The following PRIM2 variants were observed in gnomAD, a reference collection of about 807,000 sequenced individuals.
The protein encoded by PRIM2 is DNA primase large subunit.
Under a neutral mutation model 67.3 loss-of-function variants are expected in PRIM2, and 39 were observed. That is an observed-to-expected ratio of 0.58 (90% CI 0.45 to 0.76). The LOEUF (loss-of-function observed/expected upper bound fraction) is 0.76. Ranked by LOEUF, PRIM2 falls within the 30% of genes least tolerant of loss-of-function variation. The pLI is 0.00. For synonymous variants in PRIM2, 143 were observed against 198.7 expected, an observed-to-expected ratio of 0.72 and a Z score of 2.36; for missense variants, 398 against 598.7, an observed-to-expected ratio of 0.66 and a Z score of 3.50.
chr6:57,620,673 A>G (rs1272687857), intron 12 of PRIM2, among the ~76,000 whole-genome samples: 2 of 152,216 alleles, frequency 1.3e-5, no homozygotes, highest in Admixed American at 6.5e-5. Context: ...ACAAAAACAA[A>G]AAACCAAAGT....
intron 8 of PRIM2, among the ~76,000 whole-genome samples, chr6:57,508,315 C>G (rs1774291843): frequency 6.6e-6 from 1 of 151,862 alleles, no homozygotes; most frequent in Admixed American, 6.6e-5. Flanking sequence ...CTATTTTTTC[C>G]ATTTTTATAA....
At chr6:57,521,376 T>G (rs1461467611) in intron 8 of PRIM2, among the ~76,000 whole-genome samples, 2 of 146,642 alleles carry the variant, frequency 1.4e-5, no homozygotes, top group African/African-American at 5.1e-5. Context: ...GGTTTTTTTT[T>G]TTTTTTTTTT....
chr6:57,431,959 C>T (rs1771845073), intron 7 of PRIM2, among the ~76,000 whole-genome samples: 1 of 152,108 alleles, frequency 6.6e-6, no homozygotes, highest in Admixed American at 6.5e-5. Flanking sequence ...GAAACTGAAG[C>T]AGTCTTCTTA....
At chr6:57,256,576 C>T in the PRIM2 span, among the ~76,000 whole-genome samples, 1 of 151,802 alleles carries the variant, frequency 6.6e-6, no homozygotes, top group African/African-American at 2.4e-5. Context: ...TCTTTTCTAA[C>T]AAAAGTAGAC....
chr6:57,458,042 G>A (rs551985844), intron 7 of PRIM2, among the ~76,000 whole-genome samples: 35 of 152,100 alleles, frequency 2.3e-4, no homozygotes, highest in Admixed American at 5.9e-4. Context: ...CAGTTCTTTC[G>A]TTTTCTTAGT....
At chr6:57,523,262 C>G (rs1484678644) in intron 8 of PRIM2, among the ~76,000 whole-genome samples, 4 of 152,196 alleles carry the variant, frequency 2.6e-5, no homozygotes, top group African/African-American at 9.7e-5. Flanking sequence ...CCCTGTTTTA[C>G]CAGTGATTAA....
intron 5 of PRIM2, among the ~76,000 whole-genome samples, chr6:57,367,331 C>T (rs1769393263): frequency 6.6e-6 from 1 of 151,516 alleles, no homozygotes; most frequent in South Asian, 2.1e-4. Flanking sequence ...AAATTTTTTC[C>T]TATTATATGG....
chr6:57,578,321 T>C (rs1353838549), intron 10 of PRIM2, among the ~76,000 whole-genome samples: 3 of 152,312 alleles, frequency 2.0e-5, no homozygotes, highest in South Asian at 4.1e-4. Context: ...GGGGACATAC[T>C]TTTAGACTAT....
At chr6:57,504,221 A>G (rs1554347118) in intron 7 of PRIM2, among the ~76,000 whole-genome samples, 2 of 152,154 alleles carry the variant, frequency 1.3e-5, no homozygotes, top group Non-Finnish European at 2.9e-5. Context: ...TTATTTTTAT[A>G]ATTTACAAGG....
In PRIM2 at chr6:57,321,467, A is replaced by G. The variant is rs1255906183; in HGVS notation, c.258+907A>G. On this transcript the variant is annotated intron_variant, in intron 3 of 13. Coordinates refer to ENST00000615550, the MANE Select transcript of PRIM2 (RefSeq NM_000947.5). ...CATCAGGAGTAGGTAAGAGCACCCT[A>G]GAAAAATATTTGAGTGAGAAGAGAT... 2.0e-5 allele frequency among the ~76,000 whole-genome samples: 3 copies of G among 152,298 alleles called. No homozygotes were observed. The South Asian group carries it at 6.2e-4, about 32-fold the overall frequency.
chr6:57,327,586 A>T, intron 5 of PRIM2, among the ~76,000 whole-genome samples: 1 of 152,228 alleles, frequency 6.6e-6, no homozygotes, highest in East Asian at 1.9e-4. Flanking sequence ...GCATAGACAG[A>T]TGTCATGCAT....
chr6:57,631,584 G>C (rs1352938766), intron 12 of PRIM2, among the ~76,000 whole-genome samples: 44 of 152,144 alleles, frequency 2.9e-4, no homozygotes, highest in African/African-American at 9.4e-4. Context: ...ATTTCAAAAA[G>C]GACAAATCTG....
At chr6:57,477,528 A>G in intron 7 of PRIM2, among the ~76,000 whole-genome samples, 1 of 152,382 alleles carries the variant, frequency 6.6e-6, no homozygotes, top group East Asian at 1.9e-4. Context: ...TTCCATTTCT[A>G]TAACATTTGT....
At chr6:57,338,832 A>G (rs1373324248) in intron 5 of PRIM2, among the ~76,000 whole-genome samples, 1 of 146,884 alleles carries the variant, frequency 6.8e-6, no homozygotes, top group African/African-American at 2.6e-5. Context: ...CCTATTCAAC[A>G]TAGTGTTGGA....
chr6:57,290,214 A>G, the PRIM2 span, among the ~76,000 whole-genome samples: 2 of 152,186 alleles, frequency 1.3e-5, no homozygotes, highest in African/African-American at 4.8e-5. Flanking sequence ...GATAAAACAG[A>G]CTTAGTCTCT....
intron 5 of PRIM2, among the ~76,000 whole-genome samples, chr6:57,376,816 G>T (rs1465371696): frequency 6.6e-6 from 1 of 152,116 alleles, no homozygotes; most frequent in Non-Finnish European, 1.5e-5. Flanking sequence ...GTTGTAAATT[G>T]TAGCTTAAAA....
intron 10 of PRIM2, among the ~76,000 whole-genome samples, chr6:57,574,224 T>C (rs1775920291): frequency 6.6e-6 from 1 of 152,254 alleles, no homozygotes; most frequent in African/African-American, 2.4e-5. Context: ...CGGCCTCTAA[T>C]TGGCATGAGC....
chr6:57,292,239 A>T, the PRIM2 span, among the ~76,000 whole-genome samples: 2 of 152,220 alleles, frequency 1.3e-5, no homozygotes, highest in Non-Finnish European at 2.9e-5. Context: ...GTGAACTCCC[A>T]TTCACAACTA....
intron 8 of PRIM2, among the ~76,000 whole-genome samples, chr6:57,523,911 G>T (rs1173187193): frequency 6.6e-6 from 1 of 152,074 alleles, no homozygotes; most frequent in Non-Finnish European, 1.5e-5. Flanking sequence ...CAAAGTCCAG[G>T]AGTAGGTCTG....
Sources: gnomAD v4.1 joint callset for allele counts (sites outside exome capture counted in the v4.1 genomes callset) on GRCh38, gnomAD v4.1.1 for gene constraint, MANE v1.5 for transcripts, NCBI Gene and HGNC (gene_info 2026-07-23, HGNC 2026-07-21) for gene names.